FBXL17: variants seen among roughly 807,000 people sequenced by gnomAD.
The protein encoded by FBXL17 is F-box and leucine rich repeat protein 17, also known as F-box/LRR-repeat protein 17.
In FBXL17, 22 loss-of-function variants were observed where a neutral mutation model predicts 66.2. The ratio of observed to expected loss-of-function variants is 0.33; its 90% CI spans 0.24 to 0.47. FBXL17 has a LOEUF of 0.47. Ranked by LOEUF, FBXL17 falls within the 20% of genes least tolerant of loss-of-function variation. The pLI, the probability that FBXL17 is intolerant of heterozygous loss-of-function variation, is 1.00. For synonymous variants in FBXL17, 474 were observed against 400.5 expected, an observed-to-expected ratio of 1.18 and a Z score of -2.19; for missense variants, 878 against 948.2, an observed-to-expected ratio of 0.93 and a Z score of 0.97.
chr5:108,376,756 A>G (rs952041689), intron 1 of FBXL17, among the ~76,000 whole-genome samples: 27 of 150,480 alleles, frequency 1.8e-4, no homozygotes, highest in African/African-American at 6.3e-4. Context: ...TAAAAACTGG[A>G]CATTTTGGAT....
intron 6 of FBXL17, among the ~76,000 whole-genome samples, chr5:108,110,832 C>T (rs1750005787): frequency 6.6e-6 from 1 of 151,844 alleles, no homozygotes; most frequent in Admixed American, 6.6e-5. Flanking sequence ...GGAGAAAAAG[C>T]CCTGCACATC....
chr5:108,355,573 G>A (rs1288420611), intron 3 of FBXL17, among the ~76,000 whole-genome samples: 2 of 151,946 alleles, frequency 1.3e-5, no homozygotes, highest in African/African-American at 2.4e-5. Context: ...ATAAGCCACC[G>A]CACCCAGCCA....
intron 7 of FBXL17, among the ~76,000 whole-genome samples, chr5:107,999,798 A>G (rs114078566): frequency 5.3e-4 from 81 of 152,336 alleles, no homozygotes; most frequent in South Asian, 1.2e-3. Context: ...GGTTGATTGA[A>G]TGAATGGATA....
intron 6 of FBXL17, among the ~76,000 whole-genome samples, chr5:108,164,125 C>T (rs1445962704): frequency 1.3e-5 from 2 of 152,060 alleles, no homozygotes; most frequent in Middle Eastern, 3.2e-3. Flanking sequence ...AGTTCTTAAG[C>T]CAAAGCAAGA....
At chr5:107,938,124 G>A (rs569877383) in intron 7 of FBXL17, among the ~76,000 whole-genome samples, 91 of 152,194 alleles carry the variant, frequency 6.0e-4, no homozygotes, top group African/African-American at 2.1e-3. Context: ...TGCACTTGAC[G>A]ACAGGCTTCT....
chr5:108,350,415 T>C (rs562548173), intron 3 of FBXL17, among the ~76,000 whole-genome samples: 2 of 152,220 alleles, frequency 1.3e-5, no homozygotes, highest in Non-Finnish European at 2.9e-5. Context: ...TGAACGTTTA[T>C]ACAGTGAAAA....
At chr5:107,965,963 A>C (rs1025958555) in intron 7 of FBXL17, among the ~76,000 whole-genome samples, 2 of 152,162 alleles carry the variant, frequency 1.3e-5, no homozygotes, top group Non-Finnish European at 2.9e-5. Flanking sequence ...TTTTTCTATA[A>C]AAGACGATAT....
chr5:108,309,432 A>T lies in FBXL17; in HGVS notation c.1506+38967T>A, dbSNP rs577064620. On this transcript the variant is annotated intron_variant, in intron 4 of 8. Transcript: ENST00000542267. ...AATCAACAAGCATTACCTTTATTTT[A>T]AAAAAAAGGCTATTTTCATCTTTTT... Among the ~76,000 whole-genome samples the T allele has an allele frequency of 3.2e-3, 482 of 151,810 alleles. 3 individuals are homozygous for T. The highest frequency in any genetic ancestry group is 0.011 in the African/African-American group (444 of 41,450).
At chr5:108,280,669 G>A (rs188688236) in intron 4 of FBXL17, among the ~76,000 whole-genome samples, 1 of 151,454 alleles carries the variant, frequency 6.6e-6, no homozygotes, top group East Asian at 1.9e-4. Context: ...ACATATTAGT[G>A]TTTACCTTGA....
At position 108,095,202 on chromosome 5, in the gene FBXL17, T is replaced by C. The variant is rs149266870; in HGVS notation, c.1746-74201A>G. 3.1e-3 allele frequency among the ~76,000 whole-genome samples: 473 copies of C among 152,114 alleles called. 1 individual carries two copies. The highest frequency in any genetic ancestry group is 0.011 in the African/African-American group (455 of 41,542). On this transcript the variant is annotated intron_variant, in intron 6 of 8. Transcript: ENST00000542267. ...ATTTTCCATGTGTCCATCAGAATTC[T>C]ACTTTTAAAGGTCCCAAATCAACTT...
At chr5:108,160,395 C>T (rs1752163867) in intron 6 of FBXL17, among the ~76,000 whole-genome samples, 1 of 152,128 alleles carries the variant, frequency 6.6e-6, no homozygotes, top group African/African-American at 2.4e-5. Context: ...GACCTTTTCT[C>T]TATAATTGTA....
At chr5:108,110,069 T>C (rs1182087617) in intron 6 of FBXL17, among the ~76,000 whole-genome samples, 9 of 152,128 alleles carry the variant, frequency 5.9e-5, no homozygotes. Context: ...AGCCTATTGG[T>C]ACCACACAGC....
rs773831256 is a variant in FBXL17 at position 108,381,550 on chromosome 5, G to A, written c.142C>T (p.Pro48Ser). ...CGGAAGAAGCAGTCCCGGCTCCGGG[G>A]CGCCGCCGGCTGAGGGGGCACCTTG... ...PAKVPPQPAA[P>S]RSRDCFFRGP... Residue 48 changes from proline (P) to serine (S), a missense_variant, in exon 1 of 9, where the codon CCC becomes TCC. Pro to Ser is a moderately conservative substitution (Grantham distance 74, BLOSUM62 -1). Coordinates refer to ENST00000542267, the MANE Select transcript of FBXL17 (RefSeq NM_001163315.3). The A allele has an allele frequency of 4.2e-6, 6 of 1,429,038 alleles. No individual in the cohort carries two copies. Among genetic ancestry groups the A allele is most frequent in the East Asian group, 3.0e-5 (1 of 33,752 alleles). The allele number at this position is 1,429,038 out of a possible 1,614,324, so 88.5% of individuals were successfully genotyped here.
rs930543416 is a variant in FBXL17, at chr5:107,874,404, G to A, written c.1965+6633C>T. On this transcript the variant is annotated intron_variant, in intron 8 of 8. Transcript: ENST00000542267. ...TTAACACTTATTGAGTGCTTATAGTGTGCCTGACTTCGGGCTAAGGGCTTT... is the reference window on the plus strand; with the variant it reads ...TTAACACTTATTGAGTGCTTATAGTATGCCTGACTTCGGGCTAAGGGCTTT... 2.0e-5 allele frequency among the ~76,000 whole-genome samples: 3 copies of A among 152,288 alleles called. No homozygotes were observed. In the East Asian group the frequency reaches 5.8e-4, roughly 29 times the overall value.
intron 6 of FBXL17, among the ~76,000 whole-genome samples, chr5:108,076,748 A>T (rs1748563821): frequency 6.6e-6 from 1 of 152,154 alleles, no homozygotes; most frequent in African/African-American, 2.4e-5. Context: ...TCCCAGAGAG[A>T]CTGAGAGTCT....
intron 7 of FBXL17, among the ~76,000 whole-genome samples, chr5:107,899,912 A>G (rs766253638): frequency 2.6e-5 from 4 of 152,170 alleles, no homozygotes; most frequent in Admixed American, 1.3e-4. Context: ...CAGCACATGC[A>G]TTTTAAGAAA....
rs1172522525 is a variant in FBXL17 at position 108,009,286 on chromosome 5, T to TAGATAG, written c.1822+11638_1822+11639insCTATCT. 7.3e-4 allele frequency among the ~76,000 whole-genome samples: 39 copies of TAGATAG among 53,772 alleles called. 5 individuals carry two copies. The highest frequency in any genetic ancestry group is 3.3e-3 in the African/African-American group (27 of 8,166). The allele number at this position is 53,772 out of a possible 152,430, so 35.3% of individuals were successfully genotyped here. On this transcript the variant is annotated intron_variant, in intron 7 of 8. Transcript: ENST00000542267. ...TTATATATATATATATATATATATA[T>TAGATAG]ATATATATATATATACATATATACA...
chr5:108,240,908 G>A (rs1755827796), intron 4 of FBXL17, among the ~76,000 whole-genome samples: 1 of 152,138 alleles, frequency 6.6e-6, no homozygotes, highest in Non-Finnish European at 1.5e-5. Context: ...TTGTTTGGGA[G>A]AAAGTTAAGA....
intron 1 of FBXL17, among the ~76,000 whole-genome samples, chr5:108,374,724 G>C (rs10056658): frequency 0.28 from 42,735 of 151,718 alleles, 6,617 homozygotes; most frequent in Middle Eastern, 0.38. Context: ...GGAAAGAGGA[G>C]GGGAAATCAC....
Sources: gnomAD v4.1 joint callset for allele counts (sites outside exome capture counted in the v4.1 genomes callset) on GRCh38, gnomAD v4.1.1 for gene constraint, MANE v1.5 for transcripts, NCBI Gene and HGNC (gene_info 2026-07-23, HGNC 2026-07-21) for gene names.